Variants in CDC6 observed in about 807,000 individuals in gnomAD.
CDC6 encodes the protein DNA replication factor CDC6.
In CDC6, 46 loss-of-function variants were observed where a neutral mutation model predicts 60.2. That is an observed-to-expected ratio of 0.76 (90% CI 0.60 to 0.98). The LOEUF is 0.98. Among genes scored for constraint, CDC6 ranks in the 50% least tolerant of loss-of-function variants. The pLI, the probability that CDC6 is intolerant of heterozygous loss-of-function variation, is 0.00. For synonymous variants in CDC6, 210 were observed against 233.2 expected (o/e 0.90, Z 0.90); for missense variants, 596 against 652.9 (o/e 0.91, Z 0.95).
At chr17:40,292,166 A>G (rs1446466531) in intron 4 of CDC6, among the ~76,000 whole-genome samples, 2 of 152,118 alleles carry the variant, frequency 1.3e-5, no homozygotes, top group African/African-American at 4.8e-5. Context: ...CCTCCTGGAT[A>G]GCTGGGAATA....
Position 40,291,308 on chromosome 17 carries a change from A to C in CDC6, c.429A>C (p.Glu143Asp). ...NSEQRCPLKK[E>D]SACVRLFKQE... ...AGCAGAGATGTCCACTGAAGAAAGA[A>C]TCTGCATGTGTGAGACTATTCAAGC... Residue 143 changes from glutamate to aspartate, a missense_variant, in exon 3 of 12, where the codon GAA becomes GAC. Physicochemically the swap from Glu to Asp is conservative, Grantham distance 45. Transcript: ENST00000209728. The C allele has an allele frequency of 5.0e-6, 8 of 1,614,278 alleles. No individual in the cohort carries two copies. Among genetic ancestry groups the C allele is most frequent in the Non-Finnish European group, 6.8e-6 (8 of 1,180,044 alleles).
intron 3 of CDC6, 60 bp from the exon 4 acceptor site, chr17:40,291,409 C>A (rs1312751866): frequency 6.2e-7 from 1 of 1,610,366 alleles, no homozygotes; most frequent in African/African-American, 1.3e-5. Context: ...ATGAAACCAC[C>A]CACTGGGTCT....
At chr17:40,299,335 C>T (rs1322617981) in intron 9 of CDC6, among the ~76,000 whole-genome samples, 2 of 150,872 alleles carry the variant, frequency 1.3e-5, no homozygotes, top group South Asian at 2.1e-4. Context: ...TTTTTAGTAG[C>T]GATGGGGGAA....
At chr17:40,289,250 C>A in intron 1 of CDC6, 158 bp from the exon 2 acceptor site, 1 of 672,992 alleles carries the variant, frequency 1.5e-6, no homozygotes, top group Non-Finnish European at 2.6e-6. Flanking sequence ...GCTGTTCTTG[C>A]ATAGATTTGG....
At chr17:40,297,865 CAGTA>C (rs1310451349) in intron 9 of CDC6, among the ~76,000 whole-genome samples, 2 of 152,212 alleles carry the variant, frequency 1.3e-5, no homozygotes, top group African/African-American at 2.4e-5. Flanking sequence ...CATACTGCTA[CAGTA>C]AGCTGCATGG....
intron 8 of CDC6, among the ~76,000 whole-genome samples, chr17:40,296,491 C>G (rs938395107): frequency 1.3e-5 from 2 of 151,940 alleles, no homozygotes; most frequent in Non-Finnish European, 2.9e-5. Context: ...GAGAAATAAC[C>G]CAGTTTTGTT....
In CDC6 at chr17:40,297,140, G is replaced by A. The variant is rs182919566; in HGVS notation, c.1249+373G>A. ...AGCCTGATAAATAAGGGAGAATTGG[G>A]TAAAAGAATTGTGAAGCCAGGTGCG... On this transcript the variant is annotated intron_variant, in intron 9 of 11. Coordinates refer to ENST00000209728, the MANE Select transcript of CDC6 (RefSeq NM_001254.4). 9.5e-4 allele frequency among the ~76,000 whole-genome samples: 145 copies of A among 152,192 alleles called. No homozygotes were observed. The Middle Eastern group carries it at 0.01, about 11-fold the overall frequency.
chr17:40,295,662 G>A (rs2032848095), intron 8 of CDC6, among the ~76,000 whole-genome samples: 1 of 152,124 alleles, frequency 6.6e-6, no homozygotes, highest in Non-Finnish European at 1.5e-5. Flanking sequence ...ATTACCTACA[G>A]AGGGAGAAAC....
rs141698750 is a variant in CDC6, at chr17:40,291,553, T to A, written c.545T>A (p.Ile182Asn). 1.2e-6 allele frequency: 2 copies of A among 1,614,090 alleles called. No individual in the cohort carries two copies. The highest frequency in any genetic ancestry group is 1.7e-6 in the Non-Finnish European group (2 of 1,180,042). The change falls in exon 4 of 12, where the codon ATC becomes AAC. Residue 182 changes from isoleucine (I) to asparagine (N), a missense_variant. Ile to Asn is a moderately radical substitution (Grantham distance 149). Transcript: ENST00000209728. ...GCCAGGGAAAGGGAGATGGATGTCA[T>A]CAGGAATTTCTTGAGGGAACACATC... Reference protein sequence around the residue: ...LPAREREMDVIRNFLREHICG... With the variant: ...LPAREREMDVNRNFLREHICG...
Position 40,302,416 on chromosome 17 carries a change from G to A in CDC6, c.*415G>A, listed in dbSNP as rs758071050. ...GTTGCCCAGGCTGGAGTGCAATGGC[G>A]CGTTCTCTGCTCACTACAGCACCCG... On this transcript the variant is annotated 3_prime_UTR_variant, in exon 12 of 12. Coordinates refer to ENST00000209728, the MANE Select transcript of CDC6 (RefSeq NM_001254.4). 2.7e-5 allele frequency: 6 copies of A among 222,806 alleles called. No homozygotes were observed. The highest frequency in any genetic ancestry group is 4.5e-5 in the Non-Finnish European group (5 of 111,430). 13.8% of individuals were successfully genotyped at this position (222,806 alleles called of 1,614,324 possible). A position where few individuals can be genotyped will look rare whatever the true frequency, so the allele number is the denominator to read the frequency against.
chr17:40,300,576 C>T (rs2032924700), intron 9 of CDC6, among the ~76,000 whole-genome samples: 1 of 152,170 alleles, frequency 6.6e-6, no homozygotes, highest in Admixed American at 6.5e-5. Flanking sequence ...TAGGACAAAA[C>T]AGCTCACTAT....
chr17:40,300,979 T>G lies in CDC6; in HGVS notation c.1401T>G (p.Ser467=), dbSNP rs1379168341. Residue 467 remains serine (S), a synonymous_variant, in exon 10 of 12, where the codon TCT becomes TCG. Coordinates refer to ENST00000209728, the MANE Select transcript of CDC6 (RefSeq NM_001254.4). The part of the protein sequence containing the change: ...FPLQQKILVC[S]LMLLIRQLKI... ...TTCAGCAGAAGATCTTGGTTTGCTC[T>G]TTGATGCTCTTGATCAGGCAGTTGA... 1 of 1,614,146 alleles carries G rather than the reference T, an allele frequency of 6.2e-7. No individual in the cohort carries two copies. The highest frequency in any genetic ancestry group is 1.3e-5 in the African/African-American group (1 of 75,050).
At chr17:40,297,717 G>C (rs1023095699) in intron 9 of CDC6, among the ~76,000 whole-genome samples, 1 of 152,058 alleles carries the variant, frequency 6.6e-6, no homozygotes, top group Admixed American at 6.5e-5. Flanking sequence ...GCAGTGAGCC[G>C]AGATGGTGCC....
At position 40,302,056 on chromosome 17, in the gene CDC6, G is replaced by T; in HGVS notation, c.*55G>T. The T allele has an allele frequency of 9.7e-7, 1 of 1,031,334 alleles. No individual in the cohort carries two copies. The highest frequency in any genetic ancestry group is 1.5e-6 in the Non-Finnish European group (1 of 647,664). The allele number at this position is 1,031,334 out of a possible 1,614,324, so 63.9% of individuals were successfully genotyped here. On this transcript the variant is annotated 3_prime_UTR_variant, in exon 12 of 12. Coordinates refer to ENST00000209728, the MANE Select transcript of CDC6 (RefSeq NM_001254.4). ...TTCAGCTGGCATTTAGAGAGCTACA[G>T]TCTTCATTTTAGTGCTTTACACATT...
chr17:40,294,661 C>T (rs2032832162), intron 7 of CDC6, among the ~76,000 whole-genome samples, 158 bp downstream of exon 7: 1 of 151,146 alleles, frequency 6.6e-6, no homozygotes, highest in Non-Finnish European at 1.5e-5. Context: ...TGAATTTCAG[C>T]TTCATTCATT....
chr17:40,289,279 T>G, intron 1 of CDC6, 129 bp from the exon 2 acceptor site: 1 of 812,520 alleles, frequency 1.2e-6, no homozygotes. Flanking sequence ...CAAAAGTGAA[T>G]GCTAAAATAA....
chr17:40,289,384 G>T, intron 1 of CDC6, 24 bp from the exon 2 acceptor site: 1 of 1,575,590 alleles, frequency 6.3e-7, no homozygotes, highest in Non-Finnish European at 8.7e-7. Flanking sequence ...TTGACTAGTT[G>T]TCCTCTTATT....
At chr17:40,296,490 C>A (rs1306524189) in intron 8 of CDC6, among the ~76,000 whole-genome samples, 3 of 152,088 alleles carry the variant, frequency 2.0e-5, no homozygotes, top group Non-Finnish European at 4.4e-5. Flanking sequence ...TGAGAAATAA[C>A]CCAGTTTTGT....
chr17:40,301,666 A>ATTTTGT, intron 11 of CDC6, 58 bp downstream of exon 11: 1 of 1,557,218 alleles, frequency 6.4e-7, no homozygotes, highest in South Asian at 1.1e-5. Context: ...GAGTGATGCT[A>ATTTTGT]AAGTAAAGGT....
Sources: allele counts gnomAD v4.1 joint callset (sites outside exome capture counted in the v4.1 genomes callset), GRCh38; gene constraint gnomAD v4.1.1; transcripts MANE v1.5; gene names NCBI Gene and HGNC (gene_info 2026-07-23, HGNC 2026-07-21).